PDE3A: variants seen among roughly 807,000 people sequenced by gnomAD.
The protein encoded by PDE3A is phosphodiesterase 3A, also known as cGMP-inhibited 3',5'-cyclic phosphodiesterase 3A.
PDE3A carries 43 observed loss-of-function variants against 98.3 expected under a neutral mutation model. The ratio of observed to expected loss-of-function variants is 0.44; its 90% CI spans 0.34 to 0.56. The LOEUF is 0.56. Ranked by LOEUF, PDE3A falls within the 20% of genes least tolerant of loss-of-function variation. The pLI is 0.01. For synonymous variants in PDE3A, 663 were observed against 567.9 expected (o/e 1.17, Z -2.38); for missense variants, 1,427 against 1,440.7 (o/e 0.99, Z 0.15).
intron 15 of PDE3A, among the ~76,000 whole-genome samples, chr12:20,665,959 C>CTTTTTTT (rs35859257): frequency 1.3e-3 from 128 of 94,958 alleles, no homozygotes; most frequent in Non-Finnish European, 2.1e-3. Context: ...TTTGTCATTT[C>CTTTTTTT]TTTTTTTTTT....
chr12:20,662,033 C>T (rs1018605833), intron 15 of PDE3A, among the ~76,000 whole-genome samples: 4 of 152,188 alleles, frequency 2.6e-5, no homozygotes, highest in Non-Finnish European at 4.4e-5. Context: ...CCCTGTAAAG[C>T]CACAGGGGCA....
At chr12:20,432,434 G>T (rs1314343109) in intron 1 of PDE3A, among the ~76,000 whole-genome samples, 2 of 152,100 alleles carry the variant, frequency 1.3e-5, no homozygotes, top group African/African-American at 4.8e-5. Flanking sequence ...CTTAAAAAGA[G>T]GGTAGATTTT....
At chr12:20,551,046 T>G (rs1299824893) in intron 1 of PDE3A, among the ~76,000 whole-genome samples, 2 of 150,942 alleles carry the variant, frequency 1.3e-5, no homozygotes, top group Admixed American at 6.6e-5. Context: ...ATATTTGTTA[T>G]ATAGTAGCAA....
intron 1 of PDE3A, among the ~76,000 whole-genome samples, chr12:20,484,178 A>G (rs1168461386): frequency 1.3e-5 from 2 of 152,212 alleles, no homozygotes; most frequent in Non-Finnish European, 2.9e-5. Flanking sequence ...TCTGCAATAC[A>G]TACAAATTTG....
At chr12:20,654,249 C>A in intron 15 of PDE3A, 44 bp downstream of exon 15, 1 of 1,571,908 alleles carries the variant, frequency 6.4e-7, no homozygotes, top group Non-Finnish European at 8.7e-7. Flanking sequence ...CCTGGGATTG[C>A]TTTCTTACTT....
intron 2 of PDE3A, chr12:20,572,258 A>G (rs1052775940): frequency 1.1e-4 from 48 of 418,840 alleles, no homozygotes; most frequent in African/African-American, 9.2e-4. Context: ...AAATAAATTC[A>G]TAAAGTAATC....
chr12:20,642,265 A>C (rs981033996), intron 10 of PDE3A, among the ~76,000 whole-genome samples: 5 of 152,146 alleles, frequency 3.3e-5, no homozygotes, highest in Non-Finnish European at 7.4e-5. Context: ...AAAGCTTTTA[A>C]ATTTGTAATT....
In PDE3A at chr12:20,688,221, G is replaced by T. The variant is rs994455656; in HGVS notation, c.*7950G>T. Among the ~76,000 whole-genome samples the T allele has an allele frequency of 1.3e-5, 2 of 151,676 alleles. No individual in the cohort carries two copies. Among genetic ancestry groups the T allele is most frequent in the African/African-American group, 4.8e-5 (2 of 41,326 alleles). On this transcript the variant is annotated 3_prime_UTR_variant, in exon 16 of 16. Coordinates refer to ENST00000359062, the MANE Select transcript of PDE3A (RefSeq NM_000921.5). The stretch of plus-strand genomic sequence containing the variant: ...TGAGTCTTTTGAACTTCATCATTTT[G>T]CAATTGAAATAAATCTTGTCCTTTC...
intron 1 of PDE3A, among the ~76,000 whole-genome samples, chr12:20,436,258 GAC>G (rs1944777263): frequency 6.6e-6 from 1 of 152,068 alleles, no homozygotes; most frequent in South Asian, 2.1e-4. Flanking sequence ...CAGCTTCAAT[GAC>G]AGCAGCTGCG....
chr12:20,646,387 T>C (rs1451595527), intron 10 of PDE3A, 103 bp from the exon 11 acceptor site: 4 of 663,204 alleles, frequency 6.0e-6, no homozygotes, highest in Non-Finnish European at 1.1e-5. Context: ...TTCATGGAAA[T>C]AGTAAAATGT....
chr12:20,495,485 C>T (rs1331644832), intron 1 of PDE3A, among the ~76,000 whole-genome samples: 1 of 152,174 alleles, frequency 6.6e-6, no homozygotes, highest in East Asian at 1.9e-4. Context: ...GAACAATATA[C>T]TTAATTTTGA....
intron 2 of PDE3A, among the ~76,000 whole-genome samples, chr12:20,567,043 G>A (rs1226452354): frequency 6.6e-6 from 1 of 151,898 alleles, no homozygotes; most frequent in Non-Finnish European, 1.5e-5. Flanking sequence ...GTAATCCTAG[G>A]ACAATTTAGT....
chr12:20,613,362 A>T, intron 2 of PDE3A, 81 bp from the exon 3 acceptor site: 1 of 1,246,038 alleles, frequency 8.0e-7, no homozygotes, highest in Non-Finnish European at 1.2e-6. Flanking sequence ...TTCATTTCTT[A>T]GTGAAAAAGT....
chr12:20,646,635 G>A (rs1236427352), intron 11 of PDE3A, 32 bp downstream of exon 11: 14 of 1,407,406 alleles, frequency 9.9e-6, no homozygotes, highest in Non-Finnish European at 1.4e-5. Flanking sequence ...ACTGCCTTAT[G>A]AAAGATGGGA....
At chr12:20,492,358 G>A (rs1945842611) in intron 1 of PDE3A, among the ~76,000 whole-genome samples, 1 of 152,092 alleles carries the variant, frequency 6.6e-6, no homozygotes, top group Admixed American at 6.6e-5. Context: ...AGGGTGAGTA[G>A]AAGCACAGCA....
chr12:20,551,987 G>A (rs1942218588), intron 1 of PDE3A: 2 of 1,612,588 alleles, frequency 1.2e-6, no homozygotes, highest in African/African-American at 2.7e-5. Context: ...CATGGCCGGA[G>A]CAACGACGGA....
chr12:20,400,948 CA>C (rs1944118533), intron 1 of PDE3A, among the ~76,000 whole-genome samples: 1 of 152,042 alleles, frequency 6.6e-6, no homozygotes, highest in South Asian at 2.1e-4. Flanking sequence ...ATTTTTAAGG[CA>C]AAAGGGATTA....
At chr12:20,491,183 C>T (rs1040361568) in intron 1 of PDE3A, among the ~76,000 whole-genome samples, 6 of 152,138 alleles carry the variant, frequency 3.9e-5, no homozygotes, top group African/African-American at 7.2e-5. Flanking sequence ...GCATCTTTGC[C>T]GATTCAGTGC....
At chr12:20,635,650 G>A (rs1391477020) in intron 8 of PDE3A, among the ~76,000 whole-genome samples, 2 of 151,448 alleles carry the variant, frequency 1.3e-5, no homozygotes, top group African/African-American at 2.4e-5. Flanking sequence ...CTACCTGGGA[G>A]GCTGAGGGAG....
Sources: allele counts gnomAD v4.1 joint callset (sites outside exome capture counted in the v4.1 genomes callset), GRCh38; gene constraint gnomAD v4.1.1; transcripts MANE v1.5; gene names NCBI Gene and HGNC (gene_info 2026-07-23, HGNC 2026-07-21).